CFAP299: variants seen among roughly 807,000 people sequenced by gnomAD.
CFAP299 encodes cilia and flagella associated protein 299.
Under a neutral mutation model 27.0 loss-of-function variants are expected in CFAP299, and 21 were observed. The ratio of observed to expected loss-of-function variants is 0.78; its 90% CI spans 0.55 to 1.12. The LOEUF (loss-of-function observed/expected upper bound fraction) is 1.12. Ranked by LOEUF, CFAP299 falls within the 50% of genes most tolerant of loss-of-function variation. The pLI is 0.00. For missense variants in CFAP299, 310 were observed against 276.6 expected (o/e 1.12, Z -0.86); for synonymous variants, 104 against 98.1 (o/e 1.06, Z -0.36).
intron 3 of CFAP299, among the ~76,000 whole-genome samples, chr4:80,765,545 TA>T (rs1447801239): frequency 6.6e-6 from 1 of 152,090 alleles, no homozygotes. Context: ...ATAGTATTTT[TA>T]AATGAATAGG....
intron 3 of CFAP299, among the ~76,000 whole-genome samples, chr4:80,709,736 G>A (rs904486201): frequency 1.3e-5 from 2 of 152,166 alleles, no homozygotes; most frequent in Non-Finnish European, 1.5e-5. Context: ...TGATTTCGCT[G>A]ATGTTGCCTG....
chr4:80,413,202 C>A (rs1227848056), intron 2 of CFAP299, among the ~76,000 whole-genome samples: 1 of 152,114 alleles, frequency 6.6e-6, no homozygotes, highest in Non-Finnish European at 1.5e-5. Context: ...AATTGCACAG[C>A]AAGTACAGAT....
At chr4:80,469,699 G>A (rs1203652725) in intron 2 of CFAP299, among the ~76,000 whole-genome samples, 2 of 151,924 alleles carry the variant, frequency 1.3e-5, no homozygotes, top group Non-Finnish European at 2.9e-5. Flanking sequence ...CAAGAAAAAG[G>A]TATCCTTGTT....
At chr4:80,555,441 A>G (rs938704419) in intron 2 of CFAP299, among the ~76,000 whole-genome samples, 6 of 152,048 alleles carry the variant, frequency 3.9e-5, no homozygotes, top group Non-Finnish European at 8.8e-5. Flanking sequence ...TCATCAAAAG[A>G]TACTGGCATA....
At chr4:80,340,166 G>A (rs1024143503) in intron 1 of CFAP299, among the ~76,000 whole-genome samples, 2 of 152,116 alleles carry the variant, frequency 1.3e-5, no homozygotes, top group Non-Finnish European at 2.9e-5. Flanking sequence ...CAATCAACTC[G>A]ACCCATGGAT....
chr4:80,849,856 G>T (rs1731412462), intron 3 of CFAP299, among the ~76,000 whole-genome samples: 1 of 152,050 alleles, frequency 6.6e-6, no homozygotes, highest in South Asian at 2.1e-4. Context: ...TTTAAAATAG[G>T]TAGAAGATTC....
At chr4:80,378,458 T>C (rs1724535093) in intron 2 of CFAP299, among the ~76,000 whole-genome samples, 1 of 151,958 alleles carries the variant, frequency 6.6e-6, no homozygotes, top group South Asian at 2.1e-4. Flanking sequence ...TAATGTGTAA[T>C]AGAAGTAGAG....
intron 3 of CFAP299, among the ~76,000 whole-genome samples, chr4:80,791,368 A>T (rs1440831263): frequency 6.6e-6 from 1 of 152,032 alleles, no homozygotes; most frequent in Non-Finnish European, 1.5e-5. Context: ...CTCAATCAAG[A>T]GGTATTATTG....
At chr4:80,468,364 C>T (rs568731935) in intron 2 of CFAP299, among the ~76,000 whole-genome samples, 1 of 151,890 alleles carries the variant, frequency 6.6e-6, no homozygotes, top group South Asian at 2.1e-4. Context: ...GCTGGAATTA[C>T]AGGTGCCCAC....
At chr4:80,336,282 G>A (rs1445174704) in intron 1 of CFAP299, among the ~76,000 whole-genome samples, 1 of 152,302 alleles carries the variant, frequency 6.6e-6, no homozygotes, top group South Asian at 2.1e-4. Context: ...TTGCCAATTG[G>A]TATATTAAAG....
intron 3 of CFAP299, among the ~76,000 whole-genome samples, chr4:80,866,598 A>G (rs951962135): frequency 1.3e-5 from 2 of 152,160 alleles, no homozygotes; most frequent in African/African-American, 4.8e-5. Flanking sequence ...AGAGCACAGA[A>G]CTAATGAATC....
chr4:80,845,546 A>G (rs1204226125), intron 3 of CFAP299, among the ~76,000 whole-genome samples: 2 of 152,142 alleles, frequency 1.3e-5, no homozygotes, highest in Non-Finnish European at 2.9e-5. Flanking sequence ...AACAGGCAAG[A>G]CTATTTCCTG....
chr4:80,370,905 G>A (rs952410359), intron 2 of CFAP299, among the ~76,000 whole-genome samples: 3 of 152,256 alleles, frequency 2.0e-5, no homozygotes, highest in Non-Finnish European at 4.4e-5. Context: ...CAGCGCCCCA[G>A]TGGGGCCTCT....
intron 2 of CFAP299, among the ~76,000 whole-genome samples, chr4:80,420,483 T>C (rs1337996866): frequency 6.6e-6 from 1 of 152,212 alleles, no homozygotes; most frequent in East Asian, 1.9e-4. Context: ...GTGATATTTC[T>C]TTGTGGTTTT....
chr4:80,488,146 C>A (rs139484869), intron 2 of CFAP299, among the ~76,000 whole-genome samples: 86 of 152,240 alleles, frequency 5.6e-4, no homozygotes, highest in African/African-American at 1.9e-3. Context: ...GTGATGAGAT[C>A]TCTAGGAATG....
At chr4:80,591,120 T>TA (rs1312078024) in intron 3 of CFAP299, among the ~76,000 whole-genome samples, 28 of 133,158 alleles carry the variant, frequency 2.1e-4, no homozygotes, top group Middle Eastern at 8.3e-3. Flanking sequence ...TTTTTTTTTT[T>TA]TTTTTTTTTT....
chr4:80,704,147 G>A (rs1207063342), intron 3 of CFAP299, among the ~76,000 whole-genome samples: 1 of 151,676 alleles, frequency 6.6e-6, no homozygotes, highest in Non-Finnish European at 1.5e-5. Flanking sequence ...GGAATCAAGA[G>A]TAAGAGTGGG....
intron 3 of CFAP299, among the ~76,000 whole-genome samples, chr4:80,596,155 A>G (rs1405918958): frequency 6.6e-6 from 1 of 152,184 alleles, no homozygotes; most frequent in East Asian, 1.9e-4. Flanking sequence ...TTTGACACCA[A>G]TTTCATTATG....
chr4:80,564,585 A>G (rs1201720969), intron 2 of CFAP299, among the ~76,000 whole-genome samples: 2 of 149,144 alleles, frequency 1.3e-5, no homozygotes, highest in African/African-American at 5.0e-5. Context: ...CTAAATGGAG[A>G]GAAACTGAAA....
Sources: allele counts gnomAD v4.1 joint callset (sites outside exome capture counted in the v4.1 genomes callset), GRCh38; gene constraint gnomAD v4.1.1; transcripts MANE v1.5; gene names NCBI Gene and HGNC (gene_info 2026-07-23, HGNC 2026-07-21).